INPP4B: variants seen among roughly 807,000 people sequenced by gnomAD.
The protein encoded by INPP4B is inositol polyphosphate-4-phosphatase type II B.
INPP4B carries 55 observed loss-of-function variants against 122.5 expected under a neutral mutation model. The observed-to-expected ratio is 0.45, with a 90% CI of 0.36 to 0.56. INPP4B has a LOEUF of 0.56. INPP4B is among the 20% of genes least tolerant of loss of function. The pLI is 0.00. For synonymous variants in INPP4B, 403 were observed against 388.7 expected, an observed-to-expected ratio of 1.04 and a Z score of -0.43; for missense variants, 1,000 against 1,097.7, an observed-to-expected ratio of 0.91 and a Z score of 1.26.
At chr4:142,692,221 T>C (rs1299438281) in intron 2 of INPP4B, among the ~76,000 whole-genome samples, 1 of 152,188 alleles carries the variant, frequency 6.6e-6, no homozygotes, top group Non-Finnish European at 1.5e-5. Flanking sequence ...GCTCCTTCAC[T>C]CACCTGCTTT....
At chr4:142,799,490 T>C (rs996071685) in intron 1 of INPP4B, among the ~76,000 whole-genome samples, 7 of 151,818 alleles carry the variant, frequency 4.6e-5, no homozygotes, top group Admixed American at 4.6e-4. Flanking sequence ...GCATTCTACT[T>C]TCAAAAAATA....
At chr4:142,711,691 G>A (rs577722878) in intron 2 of INPP4B, among the ~76,000 whole-genome samples, 1 of 152,202 alleles carries the variant, frequency 6.6e-6, no homozygotes, top group East Asian at 1.9e-4. Flanking sequence ...TAAGAGGTGG[G>A]GACTTTGGAA....
chr4:142,160,551 A>C lies in INPP4B; in HGVS notation c.1370T>G (p.Phe457Cys). ...LKMLSEKTEL[F>C]VHAFKDQLVR... ...AAGTTGATCCTTGAAGGCATGTACA[A>C]AAAGCTCTGTCTGGAAAGAAATTGA... is the stretch of plus-strand genomic sequence containing the variant. The change falls in exon 17 of 26, where the codon TTT (phenylalanine) becomes TGT (cysteine). Residue 457 changes from phenylalanine (F) to cysteine (C), a missense_variant. By Grantham distance (205) the Phe-to-Cys change is radical. Coordinates refer to ENST00000262992, the MANE Select transcript of INPP4B (RefSeq NM_001101669.3). 6.3e-7 allele frequency: 1 copy of C among 1,593,888 alleles called. No individual in the cohort carries two copies. The highest frequency in any genetic ancestry group is 8.6e-7 in the Non-Finnish European group (1 of 1,164,262).
At chr4:142,633,293 T>A (rs1748388892) in intron 2 of INPP4B, among the ~76,000 whole-genome samples, 1 of 152,034 alleles carries the variant, frequency 6.6e-6, no homozygotes, top group Non-Finnish European at 1.5e-5. Context: ...CAATAACAAT[T>A]TGAAATTTTA....
chr4:142,453,249 C>T (rs1391547383), intron 3 of INPP4B, among the ~76,000 whole-genome samples: 7 of 152,288 alleles, frequency 4.6e-5, no homozygotes, highest in African/African-American at 1.7e-4. Context: ...CACAGCCATA[C>T]ACATGTACCC....
intron 23 of INPP4B, among the ~76,000 whole-genome samples, chr4:142,102,162 C>G (rs1363059654): frequency 6.6e-6 from 1 of 151,834 alleles, no homozygotes; most frequent in Non-Finnish European, 1.5e-5. Flanking sequence ...CTCCATGACT[C>G]TATATTTCAA....
At chr4:142,140,898 C>A (rs1286591445) in intron 18 of INPP4B, among the ~76,000 whole-genome samples, 1 of 152,086 alleles carries the variant, frequency 6.6e-6, no homozygotes, top group South Asian at 2.1e-4. Flanking sequence ...TAGAATAGTA[C>A]CTAAAAGTAG....
At chr4:142,567,671 C>A (rs1294726155) in intron 2 of INPP4B, among the ~76,000 whole-genome samples, 1 of 152,008 alleles carries the variant, frequency 6.6e-6, no homozygotes, top group Non-Finnish European at 1.5e-5. Context: ...TAGATATATA[C>A]ATATGGGAAA....
At chr4:142,119,893 CGT>C (rs141644408) in intron 21 of INPP4B, among the ~76,000 whole-genome samples, 18,520 of 148,344 alleles carry the variant, frequency 0.12, 1,319 homozygotes, top group East Asian at 0.23. Context: ...CGTATATATA[CGT>C]GTGTATATAT....
chr4:142,062,623 C>T (rs1213595342), intron 25 of INPP4B, among the ~76,000 whole-genome samples: 2 of 151,994 alleles, frequency 1.3e-5, no homozygotes, highest in Non-Finnish European at 2.9e-5. Context: ...GTAGTCCCAG[C>T]TACTTGGGGG....
chr4:142,478,601 A>G (rs1820102048), intron 2 of INPP4B, among the ~76,000 whole-genome samples: 1 of 152,138 alleles, frequency 6.6e-6, no homozygotes, highest in Non-Finnish European at 1.5e-5. Context: ...AATGATTTCT[A>G]TATGTTAAAT....
At chr4:142,130,166 G>T (rs1281104133) in intron 18 of INPP4B, among the ~76,000 whole-genome samples, 1 of 152,166 alleles carries the variant, frequency 6.6e-6, no homozygotes, top group Non-Finnish European at 1.5e-5. Flanking sequence ...GTCACATGTG[G>T]AAAGTGCCCA....
At chr4:142,840,752 A>AT (rs1783381213) in intron 1 of INPP4B, among the ~76,000 whole-genome samples, 1 of 152,146 alleles carries the variant, frequency 6.6e-6, no homozygotes, top group Admixed American at 6.5e-5. Flanking sequence ...TTAACACCAA[A>AT]TGCACAATGG....
intron 24 of INPP4B, 136 bp downstream of exon 24, chr4:142,086,008 T>C (rs1230810253): frequency 1.5e-6 from 1 of 659,798 alleles, no homozygotes; most frequent in Non-Finnish European, 2.7e-6. Context: ...AGAGTAAAAA[T>C]GCCTAATCCA....
At chr4:142,055,852 A>G (rs1204404156) in intron 25 of INPP4B, among the ~76,000 whole-genome samples, 1 of 151,910 alleles carries the variant, frequency 6.6e-6, no homozygotes, top group East Asian at 1.9e-4. Flanking sequence ...ATTCAAGTGT[A>G]TTACATTTAT....
intron 2 of INPP4B, among the ~76,000 whole-genome samples, chr4:142,668,608 C>G (rs904405230): frequency 6.6e-6 from 1 of 152,148 alleles, no homozygotes; most frequent in Non-Finnish European, 1.5e-5. Flanking sequence ...CCTGAAGACT[C>G]CACCCCAAAA....
chr4:142,173,115 T>C (rs1268705293), intron 16 of INPP4B, among the ~76,000 whole-genome samples: 1 of 151,902 alleles, frequency 6.6e-6, no homozygotes, highest in Non-Finnish European at 1.5e-5. Context: ...TTCAAATAAC[T>C]GACACATTTG....
At chr4:142,760,642 A>G (rs1210671184) in intron 1 of INPP4B, among the ~76,000 whole-genome samples, 1 of 152,170 alleles carries the variant, frequency 6.6e-6, no homozygotes, top group African/African-American at 2.4e-5. Flanking sequence ...CTAATTGAAA[A>G]AAAAGTGAAT....
intron 1 of INPP4B, among the ~76,000 whole-genome samples, chr4:142,772,252 C>T (rs1032338661): frequency 6.6e-6 from 1 of 152,094 alleles, no homozygotes; most frequent in Non-Finnish European, 1.5e-5. Flanking sequence ...GAAGAAGGTA[C>T]TAATCCTGTG....
Sources: allele counts gnomAD v4.1 joint callset (sites outside exome capture counted in the v4.1 genomes callset), GRCh38; gene constraint gnomAD v4.1.1; transcripts MANE v1.5; gene names NCBI Gene and HGNC (gene_info 2026-07-23, HGNC 2026-07-21).